Variants in RARS1 observed in about 807,000 individuals in gnomAD.
RARS1 encodes arginyl-tRNA synthetase 1.
A neutral mutation model predicts 78.7 loss-of-function variants in RARS1; 75 were observed. The ratio of observed to expected loss-of-function variants is 0.95; its 90% CI spans 0.79 to 1.15. The LOEUF is 1.15. RARS1 is among the 50% of genes most tolerant of loss of function. The probability of loss-of-function intolerance (pLI) is 0.00; values close to 1 mark genes in which losing one functional copy is unlikely to be tolerated. For missense variants in RARS1, 787 were observed against 787.5 expected (o/e 1.00, Z 0.01); for synonymous variants, 273 against 268.2 (o/e 1.02, Z -0.18).
At position 168,489,286 on chromosome 5, in the gene RARS1, G is replaced by A. The variant is rs1017451085; in HGVS notation, c.180+550G>A. On this transcript the variant is annotated intron_variant, in intron 2 of 14. Coordinates refer to ENST00000231572, the MANE Select transcript of RARS1 (RefSeq NM_002887.4). ...CCTCCCTGTCTTGGCCTCCCAAAGT[G>A]TTGGAATTACAAGTATAACCTACTG... is the stretch of plus-strand genomic sequence containing the variant. 2.0e-5 allele frequency among the ~76,000 whole-genome samples: 3 copies of A among 151,994 alleles called. No homozygotes were observed. The South Asian group carries it at 6.2e-4, about 32-fold the overall frequency.
In RARS1 at chr5:168,494,203, T is replaced by C. The variant is rs564978736; in HGVS notation, c.478+201T>C. On this transcript the variant is annotated intron_variant, in intron 4 of 14. Coordinates refer to ENST00000231572, the MANE Select transcript of RARS1 (RefSeq NM_002887.4). ...TTTTAGCTGCCTTATCTTGAATGAGTTACTTTGCCTCTCTGTGATTCAGTT... is the reference window on the plus strand; with the variant it reads ...TTTTAGCTGCCTTATCTTGAATGAGCTACTTTGCCTCTCTGTGATTCAGTT... 573 of 968,908 alleles carry C rather than the reference T, an allele frequency of 5.9e-4. 1 individual carries two copies. Among genetic ancestry groups the C allele is most frequent in the Non-Finnish European group, 6.8e-4 (557 of 815,024 alleles). The allele number at this position is 968,908 out of a possible 1,614,324, so 60.0% of individuals were successfully genotyped here. A position where few individuals can be genotyped will look rare whatever the true frequency, so the allele number is the denominator to read the frequency against.
chr5:168,513,024 CTTTA>C (rs1173094498), intron 12 of RARS1, among the ~76,000 whole-genome samples: 1 of 150,942 alleles, frequency 6.6e-6, no homozygotes, highest in African/African-American at 2.4e-5. Flanking sequence ...TATTGACTAC[CTTTA>C]TTTTTCTTTC....
chr5:168,501,652 G>A (rs1357289554), intron 8 of RARS1, among the ~76,000 whole-genome samples: 2 of 152,122 alleles, frequency 1.3e-5, no homozygotes, highest in Non-Finnish European at 2.9e-5. Flanking sequence ...GAACCCGGGA[G>A]GCGGAGGTTG....
intron 7 of RARS1, among the ~76,000 whole-genome samples, chr5:168,499,274 T>G (rs550978616): frequency 6.6e-6 from 1 of 152,238 alleles, no homozygotes; most frequent in East Asian, 1.9e-4. Context: ...ATCTTACTAC[T>G]GTATTCCAAC....
chr5:168,517,853 T>C lies in RARS1; in HGVS notation c.1664T>C (p.Leu555Pro), dbSNP rs771637313. The C allele has an allele frequency of 1.2e-6, 2 of 1,613,842 alleles. No homozygotes were observed. Among genetic ancestry groups the C allele is most frequent in the South Asian group, 2.2e-5 (2 of 91,074 alleles). The change falls in exon 14 of 15, where the codon CTC becomes CCC. Residue 555 changes from leucine to proline, a missense_variant. Coordinates refer to ENST00000231572, the MANE Select transcript of RARS1 (RefSeq NM_002887.4). ...ARLANIDEEM[L>P]QKAARETKIL... Reference sequence around the variant, plus strand: ...CTGGCCAATATTGATGAAGAAATGCTCCAAAAAGCTGCTCGAGAAACCAAG... The same window carrying C: ...CTGGCCAATATTGATGAAGAAATGCCCCAAAAAGCTGCTCGAGAAACCAAG...
At chr5:168,516,452 G>T (rs1758667971) in intron 12 of RARS1, among the ~76,000 whole-genome samples, 1 of 152,100 alleles carries the variant, frequency 6.6e-6, no homozygotes, top group South Asian at 2.1e-4. Context: ...AATGTTCATA[G>T]TATGAAGTGG....
chr5:168,504,448 G>A (rs535018407), intron 9 of RARS1, among the ~76,000 whole-genome samples: 1 of 151,230 alleles, frequency 6.6e-6, no homozygotes, highest in South Asian at 2.1e-4. Context: ...GCTTGAACCC[G>A]GGAGGTGGAG....
intron 3 of RARS1, chr5:168,493,086 T>G: frequency 2.6e-6 from 1 of 392,104 alleles, no homozygotes; most frequent in East Asian, 3.8e-5. Flanking sequence ...TCATTGGTAC[T>G]CTTTTGTTTA....
Position 168,492,805 on chromosome 5 carries a change from G to A in RARS1, c.327G>A (p.Lys109=). Residue 109 remains lysine, a synonymous_variant, in exon 3 of 15, where the codon AAG becomes AAA. Coordinates refer to ENST00000231572, the MANE Select transcript of RARS1 (RefSeq NM_002887.4). ...TAGTGACACCAAGTCAGCAGGCCAA[G>A]TTTGGGGACTATCAGTGTAATAGTG... ...PLLVTPSQQA[K]FGDYQCNSAM... The A allele has an allele frequency of 2.5e-6, 4 of 1,613,888 alleles. No individual in the cohort carries two copies. In the East Asian group the frequency reaches 6.7e-5, roughly 27 times the overall value.
In RARS1 at chr5:168,500,720, G is replaced by C; in HGVS notation, c.952G>C (p.Glu318Gln). 6.2e-7 allele frequency: 1 copy of C among 1,609,326 alleles called. No homozygotes were observed. The highest frequency in any genetic ancestry group is 8.5e-7 in the Non-Finnish European group (1 of 1,178,638). Residue 318 changes from glutamate to glutamine, a missense_variant and splice_region_variant, in exon 8 of 15, where the codon GAG (glutamate) becomes CAG (glutamine). Physicochemically the swap from Glu to Gln is conservative, Grantham distance 29. Transcript: ENST00000231572. ...GCTTATCTGTGATGTCTCCCGCCAA[G>C]GTGAGTTTCTGGGCTTTGTTCCTTC... ...WKLICDVSRQELNKIYDALDV... is the reference protein window; with the variant it reads ...WKLICDVSRQQLNKIYDALDV...
At chr5:168,497,395 A>G (rs954677765) in intron 7 of RARS1, 47 bp downstream of exon 7, 2 of 1,374,122 alleles carry the variant, frequency 1.5e-6, no homozygotes, top group Non-Finnish European at 1.9e-6. Flanking sequence ...ACCATTAATC[A>G]TAATTATCCA....
chr5:168,497,108 T>TA, intron 6 of RARS1, 120 bp from the exon 7 acceptor site: 2 of 769,686 alleles, frequency 2.6e-6, no homozygotes, highest in South Asian at 7.7e-5. Flanking sequence ...CAGATATTAC[T>TA]AAATGGTGAT....
At chr5:168,513,642 T>C (rs964243325) in intron 12 of RARS1, among the ~76,000 whole-genome samples, 1 of 152,184 alleles carries the variant, frequency 6.6e-6, no homozygotes, top group Admixed American at 6.6e-5. Context: ...TTAGGCTTAT[T>C]GGTCATCTAG....
Position 168,494,655 on chromosome 5 carries a change from A to G in RARS1, c.579+5A>G, listed in dbSNP as rs369177500. 17 of 1,523,920 alleles carry G rather than the reference A, an allele frequency of 1.1e-5. No individual in the cohort carries two copies. The highest frequency in any genetic ancestry group is 1.5e-5 in the Non-Finnish European group (17 of 1,098,684). The allele number at this position is 1,523,920 out of a possible 1,614,324, so 94.4% of individuals were successfully genotyped here. A position where few individuals can be genotyped will look rare whatever the true frequency, so the allele number is the denominator to read the frequency against. ...GCTCTGGGAGAGAATAAAAAGGTAT[A>G]TGTACACTCTTCTATTAATATATTA... On this transcript the variant is annotated splice_donor_5th_base_variant and intron_variant, in intron 5 of 14. Transcript: ENST00000231572.
intron 8 of RARS1, among the ~76,000 whole-genome samples, chr5:168,501,114 A>G (rs1758310057): frequency 6.6e-6 from 1 of 152,170 alleles, no homozygotes; most frequent in Non-Finnish European, 1.5e-5. Context: ...TAGTTCTCCA[A>G]ATTTATTTAT....
Position 168,497,368 on chromosome 5 carries a change from A to G in RARS1, c.822+20A>G. 6.6e-7 allele frequency: 1 copy of G among 1,514,908 alleles called. No individual in the cohort carries two copies. Among genetic ancestry groups the G allele is most frequent in the Non-Finnish European group, 8.9e-7 (1 of 1,124,906 alleles). 93.8% of individuals were successfully genotyped at this position (1,514,908 alleles called of 1,614,324 possible). A position where few individuals can be genotyped will look rare whatever the true frequency, so the allele number is the denominator to read the frequency against. ...TATAAGGTTTGATACCATTTCTTTT[A>G]TATTATGTGTGTGTTTACCATTAAT... is the stretch of plus-strand genomic sequence containing the variant. On this transcript the variant is annotated intron_variant, in intron 7 of 14. Coordinates refer to ENST00000231572, the MANE Select transcript of RARS1 (RefSeq NM_002887.4).
At chr5:168,494,963 T>C in intron 5 of RARS1, 1 of 337,568 alleles carries the variant, frequency 3.0e-6, no homozygotes, top group Non-Finnish European at 5.4e-6. Flanking sequence ...TATGAACATT[T>C]ATGAAGTAGC....
At chr5:168,515,743 A>T (rs1475552730) in intron 12 of RARS1, among the ~76,000 whole-genome samples, 1 of 152,202 alleles carries the variant, frequency 6.6e-6, no homozygotes, top group South Asian at 2.1e-4. Context: ...GTGTGTGCTA[A>T]TGCCCTTCCA....
chr5:168,487,475 A>G (rs572601766), intron 1 of RARS1, among the ~76,000 whole-genome samples: 9 of 152,326 alleles, frequency 5.9e-5, no homozygotes, highest in African/African-American at 1.4e-4. Context: ...ACGGCTGTAT[A>G]CTTAATCAGC....
Sources: gnomAD v4.1 joint callset for allele counts (sites outside exome capture counted in the v4.1 genomes callset) on GRCh38, gnomAD v4.1.1 for gene constraint, MANE v1.5 for transcripts, NCBI Gene and HGNC (gene_info 2026-07-23, HGNC 2026-07-21) for gene names.